Variants in FMN1 observed in about 807,000 individuals in gnomAD.
FMN1 encodes formin 1, also known as formin-1.
A neutral mutation model predicts 132.4 loss-of-function variants in FMN1; 110 were observed. That is an observed-to-expected ratio of 0.83 (90% CI 0.71 to 0.97). FMN1 has a LOEUF of 0.97. Ranked by LOEUF, FMN1 falls within the 50% of genes least tolerant of loss-of-function variation. The pLI is 0.00. For synonymous variants in FMN1, 722 were observed against 651.7 expected (o/e 1.11, Z -1.64); for missense variants, 1,792 against 1,705.3 (o/e 1.05, Z -0.90).
At chr15:33,121,446 T>C (rs1566934459) in intron 4 of FMN1, among the ~76,000 whole-genome samples, 1 of 152,194 alleles carries the variant, frequency 6.6e-6, no homozygotes, top group Non-Finnish European at 1.5e-5. Flanking sequence ...CAGTATTACA[T>C]GTAGTTCTAT....
rs990776575 is a variant in FMN1 at position 33,153,967 on chromosome 15, C to A, written c.948G>T (p.Pro316=). The change falls in exon 4 of 21, where the codon CCG becomes CCT. Residue 316 remains proline, a synonymous_variant. Transcript: ENST00000616417. ...GTTTCTGCTTGCAAGTCCGCTTAGC[C>A]GGCTTCTCCATCTCATCCTTTTCTG... The part of the protein sequence containing the change: ...PEAEKDEMEK[P]AKRTCKQKPV... 9.1e-6 allele frequency: 14 copies of A among 1,536,742 alleles called. No individual in the cohort carries two copies. Among genetic ancestry groups the A allele is most frequent in the Non-Finnish European group, 1.2e-5 (14 of 1,147,064 alleles).
At chr15:32,884,387 C>T (rs1315080109) in intron 16 of FMN1, among the ~76,000 whole-genome samples, 1 of 152,132 alleles carries the variant, frequency 6.6e-6, no homozygotes, top group African/African-American at 2.4e-5. Flanking sequence ...TCTCTCTGAT[C>T]ATTCTTACGT....
chr15:33,058,082 T>C (rs1042624339), intron 6 of FMN1, among the ~76,000 whole-genome samples: 1 of 149,044 alleles, frequency 6.7e-6, no homozygotes, highest in African/African-American at 2.5e-5. Flanking sequence ...TGGAAAGGTG[T>C]GATGGGGGTG....
chr15:33,108,388 A>G (rs1412916812), intron 4 of FMN1, among the ~76,000 whole-genome samples: 2 of 152,118 alleles, frequency 1.3e-5, no homozygotes, highest in African/African-American at 4.8e-5. Flanking sequence ...TCCCATGAGT[A>G]GGGAAAGGAG....
chr15:33,061,020 T>A (rs574117805), intron 6 of FMN1, among the ~76,000 whole-genome samples: 1 of 152,326 alleles, frequency 6.6e-6, no homozygotes, highest in African/African-American at 2.4e-5. Context: ...CAGCTTTCGG[T>A]TGAGTGTTCG....
At chr15:32,980,933 G>C (rs1267699701) in intron 7 of FMN1, among the ~76,000 whole-genome samples, 2 of 152,182 alleles carry the variant, frequency 1.3e-5, no homozygotes, top group Non-Finnish European at 2.9e-5. Context: ...GAAATTGCTT[G>C]AACCCGGGAA....
intron 19 of FMN1, among the ~76,000 whole-genome samples, chr15:32,786,948 C>T (rs185275138): frequency 1.9e-4 from 29 of 152,240 alleles, no homozygotes; most frequent in Non-Finnish European, 3.4e-4. Flanking sequence ...TTTCTCCAGG[C>T]GAAAACGGGC....
At chr15:33,039,755 T>TC (rs1326645548) in intron 6 of FMN1, among the ~76,000 whole-genome samples, 1 of 126,110 alleles carries the variant, frequency 7.9e-6, no homozygotes, top group Non-Finnish European at 1.8e-5. Context: ...TTTTATTATC[T>TC]CTGATTCCAT....
At chr15:33,141,786 A>C (rs936024949) in intron 4 of FMN1, among the ~76,000 whole-genome samples, 8 of 152,082 alleles carry the variant, frequency 5.3e-5, no homozygotes, top group Non-Finnish European at 8.8e-5. Flanking sequence ...TGCCCTCTGC[A>C]AATGACACTT....
chr15:32,802,722 C>T (rs1258804), intron 18 of FMN1, among the ~76,000 whole-genome samples: 19,628 of 152,174 alleles, frequency 0.13, 1,481 homozygotes, highest in South Asian at 0.2. Flanking sequence ...ATTTGACATC[C>T]GCCCCAGAAG....
At chr15:33,120,250 C>G (rs931758059) in intron 4 of FMN1, among the ~76,000 whole-genome samples, 3 of 152,146 alleles carry the variant, frequency 2.0e-5, no homozygotes, top group African/African-American at 7.2e-5. Flanking sequence ...AAGGCAATTA[C>G]AAAATAATTT....
At chr15:32,802,597 G>T (rs764873925) in intron 18 of FMN1, among the ~76,000 whole-genome samples, 6 of 152,140 alleles carry the variant, frequency 3.9e-5, no homozygotes, top group Non-Finnish European at 7.4e-5. Flanking sequence ...CACGGAAAAC[G>T]CTGACAACCA....
intron 10 of FMN1, among the ~76,000 whole-genome samples, chr15:32,923,126 G>A (rs1043765661): frequency 6.6e-6 from 1 of 152,142 alleles, no homozygotes; most frequent in African/African-American, 2.4e-5. Context: ...GTGAATATAC[G>A]ACCACAGGGC....
At chr15:32,986,821 T>C (rs1184099504) in intron 7 of FMN1, among the ~76,000 whole-genome samples, 1 of 152,174 alleles carries the variant, frequency 6.6e-6, no homozygotes, top group Non-Finnish European at 1.5e-5. Context: ...ATATTACTTT[T>C]GATTGATATT....
intron 7 of FMN1, among the ~76,000 whole-genome samples, chr15:32,985,584 C>T (rs2033013486): frequency 6.6e-6 from 1 of 152,226 alleles, no homozygotes; most frequent in South Asian, 2.1e-4. Context: ...CATGAACAGC[C>T]TGTTACATAC....
At chr15:33,146,639 A>C (rs898428600) in intron 4 of FMN1, among the ~76,000 whole-genome samples, 11 of 152,194 alleles carry the variant, frequency 7.2e-5, no homozygotes, top group Non-Finnish European at 1.3e-4. Flanking sequence ...GGGCACACAG[A>C]GGAACTCCAA....
chr15:32,862,332 C>G (rs952942641), intron 16 of FMN1, among the ~76,000 whole-genome samples: 2 of 152,032 alleles, frequency 1.3e-5, no homozygotes, highest in African/African-American at 4.8e-5. Flanking sequence ...GGTTCTCTTT[C>G]TGTTATTTTT....
intron 16 of FMN1, among the ~76,000 whole-genome samples, chr15:32,857,771 G>A (rs2059169826): frequency 6.6e-6 from 1 of 152,198 alleles, no homozygotes; most frequent in African/African-American, 2.4e-5. Flanking sequence ...GGTCTGAGGT[G>A]ACTTGACTTT....
At chr15:32,805,301 G>T (rs969153682) in intron 17 of FMN1, among the ~76,000 whole-genome samples, 3 of 152,178 alleles carry the variant, frequency 2.0e-5, no homozygotes, top group Non-Finnish European at 2.9e-5. Flanking sequence ...CTGCATAAAT[G>T]TCTTCTTTTG....
Sources: allele counts gnomAD v4.1 joint callset (sites outside exome capture counted in the v4.1 genomes callset), GRCh38; gene constraint gnomAD v4.1.1; transcripts MANE v1.5; gene names NCBI Gene and HGNC (gene_info 2026-07-23, HGNC 2026-07-21).